The following PKIB variants were observed in gnomAD, a reference collection of about 807,000 sequenced individuals.
PKIB encodes the protein cAMP-dependent protein kinase inhibitor beta, also known as PKI-beta.
Under a neutral mutation model 4.5 loss-of-function variants are expected in PKIB, and 2 were observed. The ratio of observed to expected loss-of-function variants is 0.44; its 90% confidence interval spans 0.18 to 1.39. PKIB has a LOEUF of 1.39. Among genes scored for constraint, PKIB ranks in the 40% most tolerant of loss-of-function variants. The pLI is 0.27. For synonymous variants in PKIB, 38 were observed against 36.0 expected, an observed-to-expected ratio of 1.06 and a Z score of -0.20; for missense variants, 94 against 92.6, an observed-to-expected ratio of 1.02 and a Z score of -0.06.
At chr6:122,721,691 A>G (rs183568491) in intron 4 of PKIB, among the ~76,000 whole-genome samples, 31 of 152,242 alleles carry the variant, frequency 2.0e-4, no homozygotes, top group Admixed American at 1.8e-3. Flanking sequence ...ATTTATATTA[A>G]ACGTATATTA....
At chr6:122,683,314 A>G (rs1777973391) in intron 3 of PKIB, among the ~76,000 whole-genome samples, 1 of 152,140 alleles carries the variant, frequency 6.6e-6, no homozygotes, top group Non-Finnish European at 1.5e-5. Flanking sequence ...ATCATGGTAG[A>G]AGGCAAAGGG....
At chr6:122,605,780 C>G (rs1354119769), upstream of PKIB, among the ~76,000 whole-genome samples, 1 of 152,164 alleles carries the variant, frequency 6.6e-6, no homozygotes, top group African/African-American at 2.4e-5. Flanking sequence ...AGGCAGATAG[C>G]TACTCTCAGG....
chr6:122,603,547 C>G (rs1406164890), intron 3 of PKIB, among the ~76,000 whole-genome samples: 1 of 152,102 alleles, frequency 6.6e-6, no homozygotes. Context: ...GGTGCTATCT[C>G]AACTCACTGC....
At chr6:122,550,168 G>C (rs1409039478) in intron 2 of PKIB, among the ~76,000 whole-genome samples, 1 of 152,058 alleles carries the variant, frequency 6.6e-6, no homozygotes, top group Non-Finnish European at 1.5e-5. Context: ...ACCTGCCTCA[G>C]TCTCCCAGAG....
At chr6:122,509,597 A>AT (rs928568864) in intron 2 of PKIB, among the ~76,000 whole-genome samples, 5 of 151,480 alleles carry the variant, frequency 3.3e-5, no homozygotes, top group Admixed American at 6.6e-5. Context: ...CACCCAGCTA[A>AT]TTTTTTTGTA....
At chr6:122,689,179 AG>A (rs1778225201) in intron 3 of PKIB, among the ~76,000 whole-genome samples, 1 of 152,020 alleles carries the variant, frequency 6.6e-6, no homozygotes, top group South Asian at 2.1e-4. Flanking sequence ...GTCTGGCTAA[AG>A]GTTTGTCAAT....
chr6:122,627,500 A>G (rs562247311), intron 1 of PKIB, among the ~76,000 whole-genome samples: 2 of 152,258 alleles, frequency 1.3e-5, no homozygotes, highest in South Asian at 4.1e-4. Context: ...AATCACACTC[A>G]CTGAATACCT....
At chr6:122,651,171 C>G (rs1412684656) in intron 2 of PKIB, among the ~76,000 whole-genome samples, 4 of 152,176 alleles carry the variant, frequency 2.6e-5, no homozygotes, top group African/African-American at 9.7e-5. Flanking sequence ...CCTATAATCC[C>G]TCTAGGAATG....
intron 2 of PKIB, among the ~76,000 whole-genome samples, chr6:122,522,968 A>G (rs569455155): frequency 2.2e-4 from 34 of 152,288 alleles, no homozygotes; most frequent in Middle Eastern, 3.4e-3. Context: ...CAATTTGGAT[A>G]TCTTTCATTG....
At chr6:122,546,837 A>G (rs1428949768) in intron 2 of PKIB, among the ~76,000 whole-genome samples, 1 of 152,160 alleles carries the variant, frequency 6.6e-6, no homozygotes, top group Non-Finnish European at 1.5e-5. Flanking sequence ...AAAAGGATAC[A>G]TAAGAGTAAG....
chr6:122,682,560 A>G (rs1391168759), intron 3 of PKIB, among the ~76,000 whole-genome samples: 1 of 152,112 alleles, frequency 6.6e-6, no homozygotes, highest in African/African-American at 2.4e-5. Context: ...TTGGCATAAA[A>G]CCTCAATAAA....
chr6:122,614,498 C>G (rs1336329881), intron 1 of PKIB, among the ~76,000 whole-genome samples: 1 of 152,130 alleles, frequency 6.6e-6, no homozygotes, highest in African/African-American at 2.4e-5. Flanking sequence ...TATTCTTATC[C>G]CCGTGGGGGT....
At position 122,655,303 on chromosome 6, in the gene PKIB, T is replaced by C. The variant is rs1350173715; in HGVS notation, c.-75-19775T>C. On this transcript the variant is annotated intron_variant, in intron 2 of 4. Transcript: ENST00000368452. ...TCCTCTCCACCTAAAAATGTTTATA[T>C]GTTGAAATCATAAATACCAAGGTGA... 2.0e-5 allele frequency among the ~76,000 whole-genome samples: 3 copies of C among 152,234 alleles called. No homozygotes were observed. In the East Asian group the frequency reaches 5.8e-4, roughly 29 times the overall value.
chr6:122,587,952 A>T (rs544900792), intron 3 of PKIB, among the ~76,000 whole-genome samples: 1 of 151,800 alleles, frequency 6.6e-6, no homozygotes, highest in African/African-American at 2.4e-5. Context: ...GATTGCAAAA[A>T]TTTTCTCCCA....
In PKIB at chr6:122,569,316, G is replaced by C. The variant is rs576353796; in HGVS notation, c.-247-16605G>C. On this transcript the variant is annotated intron_variant, in intron 2 of 6. Coordinates refer to the PKIB transcript ENST00000392491. Reference sequence around the variant, plus strand: ...AAATCCTGCTGCTACTACCACAGCTGGTGCTCTTTTAAAGTGCCATCTCTT... The same window carrying C: ...AAATCCTGCTGCTACTACCACAGCTCGTGCTCTTTTAAAGTGCCATCTCTT... Among the ~76,000 whole-genome samples the C allele has an allele frequency of 9.2e-5, 14 of 152,300 alleles. No individual in the cohort carries two copies. The South Asian group carries it at 2.7e-3, about 29-fold the overall frequency.
intron 3 of PKIB, among the ~76,000 whole-genome samples, chr6:122,586,560 T>C (rs1408512097): frequency 6.6e-6 from 1 of 152,070 alleles, no homozygotes; most frequent in African/African-American, 2.4e-5. Flanking sequence ...TCTTGAAAAA[T>C]GTGGATTAAA....
At chr6:122,486,607 C>A (rs1267207504) in intron 2 of PKIB, among the ~76,000 whole-genome samples, 7 of 150,970 alleles carry the variant, frequency 4.6e-5, no homozygotes, top group Non-Finnish European at 8.9e-5. Flanking sequence ...TCTCTTGTTT[C>A]TTTCTAGTTT....
chr6:122,634,524 G>A (rs1040357866), intron 2 of PKIB, among the ~76,000 whole-genome samples: 8 of 152,088 alleles, frequency 5.3e-5, no homozygotes, highest in African/African-American at 1.7e-4. Flanking sequence ...GCTGCAGCCT[G>A]AGGGAAGGCT....
At chr6:122,647,664 G>A (rs936359967) in intron 2 of PKIB, among the ~76,000 whole-genome samples, 5 of 152,066 alleles carry the variant, frequency 3.3e-5, no homozygotes, top group South Asian at 2.1e-4. Flanking sequence ...TATATCTTAC[G>A]TTAGATAATA....
Sources: gnomAD v4.1 joint callset for allele counts (sites outside exome capture counted in the v4.1 genomes callset) on GRCh38, gnomAD v4.1.1 for gene constraint, MANE v1.5 for transcripts, NCBI Gene and HGNC (gene_info 2026-07-23, HGNC 2026-07-21) for gene names.